The following ATP8A2 variants were observed in gnomAD, a reference collection of about 807,000 sequenced individuals.
ATP8A2 encodes ATPase phospholipid transporting 8A2.
ATP8A2 carries 100 observed loss-of-function variants against 165.6 expected under a neutral mutation model. The ratio of observed to expected loss-of-function variants is 0.60; its 90% confidence interval spans 0.51 to 0.71. ATP8A2 has a LOEUF of 0.71. Among genes scored for constraint, ATP8A2 ranks in the 30% least tolerant of loss-of-function variants. The pLI is 0.00. For missense variants in ATP8A2, 1,227 were observed against 1,479.5 expected, an observed-to-expected ratio of 0.83 and a Z score of 2.80; for synonymous variants, 543 against 548.8, an observed-to-expected ratio of 0.99 and a Z score of 0.15.
At chr13:25,592,841 T>G (rs2040127174) in intron 24 of ATP8A2, among the ~76,000 whole-genome samples, 1 of 152,156 alleles carries the variant, frequency 6.6e-6, no homozygotes, top group Non-Finnish European at 1.5e-5. Context: ...GTTTTATGGG[T>G]GTTTTCCTGA....
intron 24 of ATP8A2, among the ~76,000 whole-genome samples, chr13:25,654,348 G>T (rs978116967): frequency 3.3e-5 from 5 of 152,152 alleles, no homozygotes; most frequent in African/African-American, 1.2e-4. Context: ...TGGGACCACA[G>T]ATGTGTGCCA....
At chr13:25,545,069 C>T (rs9578886) in intron 10 of ATP8A2, among the ~76,000 whole-genome samples, 3,005 of 151,932 alleles carry the variant, frequency 0.02, 47 homozygotes, top group African/African-American at 0.036. Context: ...GGAGGCGTGT[C>T]CTTGACTTGT....
intron 26 of ATP8A2, among the ~76,000 whole-genome samples, chr13:25,771,341 T>G (rs1327728107): frequency 2.0e-5 from 3 of 152,188 alleles, no homozygotes; most frequent in Admixed American, 2.0e-4. Context: ...TTGAGGCCTG[T>G]GGGACTCGCA....
chr13:25,466,519 G>A (rs1053246148), intron 1 of ATP8A2, among the ~76,000 whole-genome samples: 2 of 152,114 alleles, frequency 1.3e-5, no homozygotes, highest in South Asian at 4.1e-4. Flanking sequence ...AAGTAACCAT[G>A]GTTACACCTT....
chr13:25,679,416 G>T (rs781078556), intron 24 of ATP8A2, among the ~76,000 whole-genome samples: 2 of 152,200 alleles, frequency 1.3e-5, no homozygotes, highest in Non-Finnish European at 2.9e-5. Context: ...AGCATTAGAA[G>T]AAGGCCAGGG....
At chr13:25,506,940 C>CATTAT (rs71186889) in intron 2 of ATP8A2, among the ~76,000 whole-genome samples, 1 of 128,712 alleles carries the variant, frequency 7.8e-6, no homozygotes. Flanking sequence ...CAGTACAGTA[C>CATTAT]ATATATATAT....
chr13:25,476,489 C>T (rs2036000405), intron 2 of ATP8A2, among the ~76,000 whole-genome samples: 1 of 152,120 alleles, frequency 6.6e-6, no homozygotes, highest in African/African-American at 2.4e-5. Flanking sequence ...GGGGTTTCAC[C>T]ACATGGGCCA....
At chr13:25,925,426 C>T (rs957255361) in intron 33 of ATP8A2, among the ~76,000 whole-genome samples, 4 of 151,268 alleles carry the variant, frequency 2.6e-5, no homozygotes, top group Non-Finnish European at 4.4e-5. Context: ...CCCAGCTACT[C>T]GGGAGGCTGA....
At chr13:25,580,575 C>A (rs558062608) in intron 22 of ATP8A2, among the ~76,000 whole-genome samples, 1 of 152,172 alleles carries the variant, frequency 6.6e-6, no homozygotes, top group African/African-American at 2.4e-5. Context: ...TACCCAGGAC[C>A]CAGGCTAGAA....
chr13:25,531,340 T>A (rs2038074988), intron 4 of ATP8A2, among the ~76,000 whole-genome samples: 1 of 138,904 alleles, frequency 7.2e-6, no homozygotes, highest in Admixed American at 7.5e-5. Flanking sequence ...ATATATGTTA[T>A]ATATGATATA....
At chr13:25,639,017 G>A (rs1233874319) in intron 24 of ATP8A2, among the ~76,000 whole-genome samples, 1 of 152,134 alleles carries the variant, frequency 6.6e-6, no homozygotes, top group African/African-American at 2.4e-5. Context: ...ACCTTCATAA[G>A]TGAAGGAGAA....
At chr13:25,764,262 A>AT (rs1566115378) in intron 25 of ATP8A2, among the ~76,000 whole-genome samples, 1 of 152,156 alleles carries the variant, frequency 6.6e-6, no homozygotes, top group Non-Finnish European at 1.5e-5. Flanking sequence ...TTCTTATTTG[A>AT]GACACTCAGA....
chr13:25,676,385 G>T, intron 24 of ATP8A2, among the ~76,000 whole-genome samples: 1 of 152,088 alleles, frequency 6.6e-6, no homozygotes, highest in East Asian at 1.9e-4. Context: ...GTCCTGGAAA[G>T]GTGCAGACCT....
intron 33 of ATP8A2, among the ~76,000 whole-genome samples, 160 bp downstream of exon 33, chr13:25,862,568 C>A (rs1952390911): frequency 6.6e-6 from 1 of 152,184 alleles, no homozygotes; most frequent in Non-Finnish European, 1.5e-5. Context: ...ATAAACCAAA[C>A]CAAAGCACCT....
At chr13:25,570,423 A>T (rs1490758184) in intron 16 of ATP8A2, among the ~76,000 whole-genome samples, 1 of 152,284 alleles carries the variant, frequency 6.6e-6, no homozygotes, top group African/African-American at 2.4e-5. Context: ...AGGCGGAAGC[A>T]CGTGGGCAAA....
chr13:25,537,921 C>G (rs2038340352), intron 6 of ATP8A2, 67 bp from the exon 7 acceptor site: 1 of 1,146,006 alleles, frequency 8.7e-7, no homozygotes, highest in South Asian at 1.4e-5. Context: ...ATTTAAGCAC[C>G]TTTTTCACCA....
At chr13:25,694,223 C>A (rs1171655903) in intron 24 of ATP8A2, among the ~76,000 whole-genome samples, 2 of 152,204 alleles carry the variant, frequency 1.3e-5, no homozygotes, top group African/African-American at 4.8e-5. Flanking sequence ...TCCATTTATG[C>A]TGTGCCCTCT....
intron 27 of ATP8A2, among the ~76,000 whole-genome samples, chr13:25,790,693 CAAA>C (rs113185440): frequency 6.5e-5 from 6 of 92,616 alleles, no homozygotes; most frequent in Non-Finnish European, 9.1e-5. Flanking sequence ...GACCTTGTCT[CAAA>C]AAAAAAAAAA....
At chr13:25,940,224 C>A (rs1593594686) in intron 33 of ATP8A2, among the ~76,000 whole-genome samples, 1 of 152,230 alleles carries the variant, frequency 6.6e-6, no homozygotes, top group South Asian at 2.1e-4. Context: ...GAGAGTGAGG[C>A]CCCTTCCCGG....
Sources: gnomAD v4.1 joint callset for allele counts (sites outside exome capture counted in the v4.1 genomes callset) on GRCh38, gnomAD v4.1.1 for gene constraint, MANE v1.5 for transcripts, NCBI Gene and HGNC (gene_info 2026-07-23, HGNC 2026-07-21) for gene names.